The following PHC3 variants were observed in gnomAD, a reference collection of about 807,000 sequenced individuals.
The protein encoded by PHC3 is polyhomeotic homolog 3, also known as polyhomeotic-like protein 3.
In PHC3, 13 loss-of-function variants were observed where a neutral mutation model predicts 107.4. That is an observed-to-expected ratio of 0.12 (90% CI 0.08 to 0.19). The LOEUF (loss-of-function observed/expected upper bound fraction) is 0.19, where lower values mean the gene tolerates loss of function less well. PHC3 is among the 10% of genes least tolerant of loss of function. PHC3 has a pLI of 1.00. For missense variants in PHC3, 992 were observed against 1,210.9 expected (o/e 0.82, Z 2.68); for synonymous variants, 456 against 427.4 (o/e 1.07, Z -0.83).
intron 4 of PHC3, chr3:170,170,052 A>G (rs1349772096): frequency 6.6e-6 from 1 of 152,126 alleles, no homozygotes; most frequent in African/African-American, 2.4e-5. Flanking sequence ...CCAAAAAAAA[A>G]AAGTCAGATC....
chr3:170,110,962 G>A (rs1717527920), intron 11 of PHC3, among the ~76,000 whole-genome samples: 1 of 152,080 alleles, frequency 6.6e-6, no homozygotes, highest in Non-Finnish European at 1.5e-5. Context: ...CACTTCACAT[G>A]AGAATGCTCT....
chr3:170,132,010 A>C (rs1722332410), intron 7 of PHC3, among the ~76,000 whole-genome samples: 1 of 152,190 alleles, frequency 6.6e-6, no homozygotes, highest in African/African-American at 2.4e-5. Flanking sequence ...ATTGATAAGC[A>C]CATATATTAC....
chr3:170,139,673 AT>A (rs1296732574), intron 6 of PHC3, among the ~76,000 whole-genome samples: 1 of 152,252 alleles, frequency 6.6e-6, no homozygotes, highest in Non-Finnish European at 1.5e-5. Flanking sequence ...GAACATATAT[AT>A]TTTAGAATAT....
At chr3:170,099,297 C>T (rs777372539) in intron 14 of PHC3, among the ~76,000 whole-genome samples, 5 of 151,812 alleles carry the variant, frequency 3.3e-5, no homozygotes, top group Non-Finnish European at 5.9e-5. Context: ...GGAATTAGCA[C>T]GATCAAATAG....
In PHC3 at chr3:170,094,373, CAA is replaced by C. The variant is rs982406335; in HGVS notation, c.*2855_*2856del. 1 of 152,170 alleles carries C rather than the reference CAA, an allele frequency of 6.6e-6. No homozygotes were observed. The highest frequency in any genetic ancestry group is 1.5e-5 in the Non-Finnish European group (1 of 68,022). The allele number at this position is 152,170 out of a possible 1,614,324, so 9.4% of individuals were successfully genotyped here. On this transcript the variant is annotated 3_prime_UTR_variant, in exon 15 of 15. Transcript: ENST00000495893. ...ACTTATGCTTTTTATCCCAATGGGACAAAGAGTGCAACACTGCAAGGAAGTCA... is the reference window on the plus strand; with the variant it reads ...ACTTATGCTTTTTATCCCAATGGGACAGAGTGCAACACTGCAAGGAAGTCA...
At chr3:170,168,285 A>T (rs1227393058) in intron 4 of PHC3, among the ~76,000 whole-genome samples, 1 of 152,202 alleles carries the variant, frequency 6.6e-6, no homozygotes, top group Non-Finnish European at 1.5e-5. Context: ...ATTTATGCAA[A>T]CATATTTTCT....
At chr3:170,121,599 A>G (rs1324819288) in intron 9 of PHC3, among the ~76,000 whole-genome samples, 2 of 152,134 alleles carry the variant, frequency 1.3e-5, no homozygotes, top group Non-Finnish European at 2.9e-5. Context: ...CCAGGGCTCA[A>G]GTCATCCTCC....
intron 8 of PHC3, chr3:170,128,457 G>A (rs563111163): frequency 5.0e-4 from 607 of 1,221,634 alleles, no homozygotes; most frequent in Non-Finnish European, 6.2e-4. Flanking sequence ...AAATTAACGA[G>A]GGACTTTAAT....
intron 12 of PHC3, among the ~76,000 whole-genome samples, chr3:170,106,594 GA>G (rs1172304833): frequency 2.0e-5 from 3 of 152,034 alleles, no homozygotes; most frequent in Non-Finnish European, 4.4e-5. Context: ...CTGTACAATT[GA>G]TTTTAAGTAT....
At chr3:170,172,994 C>T (rs554690491) in intron 2 of PHC3, among the ~76,000 whole-genome samples, 1 of 152,128 alleles carries the variant, frequency 6.6e-6, no homozygotes, top group East Asian at 1.9e-4. Context: ...AGATCAAGAC[C>T]ATCCTGGCTA....
At position 170,129,386 on chromosome 3, in the gene PHC3, C is replaced by T; in HGVS notation, c.1086G>A (p.Gln362=). The change falls in exon 8 of 15, where the codon CAG becomes CAA. Residue 362 remains glutamine (Q), a synonymous_variant. Transcript: ENST00000495893. ...QNSTQDPPPS[Q]HCIPLQNHGL... The stretch of plus-strand genomic sequence containing the variant: ...CATGGTTCTGGAGTGGTATACAGTG[C>T]TGGGATGGGGGTGGGTCTTGAGTTG... The T allele has an allele frequency of 6.2e-7, 1 of 1,613,808 alleles. No homozygotes were observed. The highest frequency in any genetic ancestry group is 8.5e-7 in the Non-Finnish European group (1 of 1,179,856).
intron 4 of PHC3, among the ~76,000 whole-genome samples, chr3:170,151,815 C>T (rs1188900762): frequency 1.3e-5 from 2 of 152,120 alleles, no homozygotes; most frequent in Non-Finnish European, 2.9e-5. Context: ...GAATCCACAT[C>T]CACACTCCCT....
At chr3:170,117,885 C>T (rs776860016) in intron 9 of PHC3, among the ~76,000 whole-genome samples, 18 of 151,530 alleles carry the variant, frequency 1.2e-4, no homozygotes, top group Non-Finnish European at 1.9e-4. Context: ...TGGTGGCACA[C>T]GCCTGTCATC....
At chr3:170,111,261 A>AGAAGGAAG (rs142477519) in intron 11 of PHC3, among the ~76,000 whole-genome samples, 615 of 121,312 alleles carry the variant, frequency 5.1e-3, no homozygotes, top group South Asian at 0.014. Context: ...TAAAACAAGA[A>AGAAGGAAG]GAAGGAAGGA....
At chr3:170,101,388 T>C (rs1252162412) in intron 14 of PHC3, among the ~76,000 whole-genome samples, 1 of 152,334 alleles carries the variant, frequency 6.6e-6, no homozygotes, top group South Asian at 2.1e-4. Context: ...TTTTCTTGTA[T>C]AGCATGTTAG....
At chr3:170,110,055 A>G (rs778030511) in intron 11 of PHC3, among the ~76,000 whole-genome samples, 4 of 151,956 alleles carry the variant, frequency 2.6e-5, no homozygotes, top group Admixed American at 1.3e-4. Flanking sequence ...TCCTTTCCTT[A>G]CTCTGATATC....
chr3:170,163,034 T>A (rs763479261), intron 4 of PHC3, among the ~76,000 whole-genome samples: 1 of 152,230 alleles, frequency 6.6e-6, no homozygotes, highest in African/African-American at 2.4e-5. Flanking sequence ...TACCATCATC[T>A]GACATACTAC....
chr3:170,175,398 G>C (rs769244873), intron 2 of PHC3, among the ~76,000 whole-genome samples: 2 of 152,174 alleles, frequency 1.3e-5, no homozygotes, highest in Non-Finnish European at 2.9e-5. Flanking sequence ...AGCACTTTGG[G>C]AGGCTAAGGC....
Position 170,128,930 on chromosome 3 carries a change from A to C in PHC3, c.1542T>G (p.Pro514=), listed in dbSNP as rs1363896825. The change falls in exon 8 of 15, where the codon CCT becomes CCG. Residue 514 remains proline, a synonymous_variant. Transcript: ENST00000495893. ...CTGGAGGAGATGTCGACATCTGTGG[A>C]GGACTTGCAATTGGGATTGGAGAGG... ...LQSSPIPIAS[P]PQMSTSPPAQ... is the part of the protein sequence containing the mutation. 1 of 1,613,952 alleles carries C rather than the reference A, an allele frequency of 6.2e-7. No homozygotes were observed. The highest frequency in any genetic ancestry group is 8.5e-7 in the Non-Finnish European group (1 of 1,179,882).
Sources: gnomAD v4.1 joint callset for allele counts (sites outside exome capture counted in the v4.1 genomes callset) on GRCh38, gnomAD v4.1.1 for gene constraint, MANE v1.5 for transcripts, NCBI Gene and HGNC (gene_info 2026-07-23, HGNC 2026-07-21) for gene names.